The following MSI2 variants were observed in gnomAD, a reference collection of about 807,000 sequenced individuals.
MSI2 encodes the protein RNA-binding protein Musashi homolog 2.
Under a neutral mutation model 45.6 loss-of-function variants are expected in MSI2, and 17 were observed. The observed-to-expected ratio is 0.37, with a 90% CI of 0.26 to 0.56. The LOEUF (loss-of-function observed/expected upper bound fraction) is 0.56. Among genes scored for constraint, MSI2 ranks in the 20% least tolerant of loss-of-function variants. MSI2 has a pLI of 0.77. For missense variants in MSI2, 293 were observed against 444.2 expected (o/e 0.66, Z 3.06); for synonymous variants, 156 against 158.2 (o/e 0.99, Z 0.11).
chr17:57,317,779 A>G (rs1215285946), intron 5 of MSI2, among the ~76,000 whole-genome samples: 3 of 152,210 alleles, frequency 2.0e-5, no homozygotes, highest in Non-Finnish European at 4.4e-5. Flanking sequence ...AGAGCCCAGG[A>G]TAATGTGTAT....
At chr17:57,420,556 G>C (rs2084376190) in intron 6 of MSI2, among the ~76,000 whole-genome samples, 1 of 152,202 alleles carries the variant, frequency 6.6e-6, no homozygotes, top group South Asian at 2.1e-4. Context: ...TCGGCGCAGA[G>C]CTCCGTACTT....
chr17:57,275,696 A>G (rs1908778416), intron 5 of MSI2, among the ~76,000 whole-genome samples: 2 of 152,178 alleles, frequency 1.3e-5, no homozygotes, highest in African/African-American at 4.8e-5. Flanking sequence ...GATCCTGGAC[A>G]GGGGATGGAG....
intron 6 of MSI2, among the ~76,000 whole-genome samples, chr17:57,527,183 T>A (rs1441592052): frequency 6.6e-6 from 1 of 152,206 alleles, no homozygotes; most frequent in African/African-American, 2.4e-5. Context: ...AATAAGGATT[T>A]GGCAAAAGTC....
intron 5 of MSI2, among the ~76,000 whole-genome samples, chr17:57,376,108 A>G (rs2083492173): frequency 6.6e-6 from 1 of 152,176 alleles, no homozygotes; most frequent in African/African-American, 2.4e-5. Flanking sequence ...GCCCTGTTAC[A>G]GGATGTCTGA....
rs904104297 is a variant in MSI2, at chr17:57,683,427, C to G, written c.*3910C>G. ...AACCTATTTTGATCTTTAGTGCAAA[C>G]GAGGGCTAGGGACTTAGCCTCCTCC... On this transcript the variant is annotated 3_prime_UTR_variant, in exon 14 of 14. Coordinates refer to ENST00000284073, the MANE Select transcript of MSI2 (RefSeq NM_138962.4). This position sits in a 1 kb window ranked among gnomAD's most constrained non-coding sequence, Gnocchi z 5.2. The G allele has an allele frequency of 4.4e-6, 1 of 228,722 alleles. No individual in the cohort carries two copies. The highest frequency in any genetic ancestry group is 8.7e-6 in the Non-Finnish European group (1 of 115,426). 14.2% of individuals were successfully genotyped at this position (228,722 alleles called of 1,614,324 possible).
chr17:57,344,985 C>T (rs1376105188), intron 5 of MSI2, among the ~76,000 whole-genome samples: 1 of 152,146 alleles, frequency 6.6e-6, no homozygotes, highest in Non-Finnish European at 1.5e-5. Flanking sequence ...ATCACTTGAA[C>T]CCGGGAGGTG....
At chr17:57,378,625 G>A (rs936112872) in intron 5 of MSI2, among the ~76,000 whole-genome samples, 1 of 152,092 alleles carries the variant, frequency 6.6e-6, no homozygotes, top group Non-Finnish European at 1.5e-5. Context: ...TCAAACTCCT[G>A]GCCTCAAGCC....
chr17:57,536,235 G>T (rs1293739817), intron 7 of MSI2, among the ~76,000 whole-genome samples: 1 of 152,214 alleles, frequency 6.6e-6, no homozygotes, highest in African/African-American at 2.4e-5. Flanking sequence ...CTAACATTCT[G>T]ACTTTATTTA....
At chr17:57,539,966 A>G (rs2087007515) in intron 7 of MSI2, among the ~76,000 whole-genome samples, 1 of 152,178 alleles carries the variant, frequency 6.6e-6, no homozygotes, top group Non-Finnish European at 1.5e-5. Flanking sequence ...ATGGCTTAGG[A>G]GTCAAGGCAA....
At chr17:57,333,389 C>G (rs1217923607) in intron 5 of MSI2, among the ~76,000 whole-genome samples, 1 of 151,854 alleles carries the variant, frequency 6.6e-6, no homozygotes, top group African/African-American at 2.4e-5. Flanking sequence ...GACTTTTTTA[C>G]AGATTAATTC....
At chr17:57,349,686 T>A (rs1311852491) in intron 5 of MSI2, among the ~76,000 whole-genome samples, 3 of 152,246 alleles carry the variant, frequency 2.0e-5, no homozygotes, top group Non-Finnish European at 4.4e-5. Flanking sequence ...TTTATCAGTT[T>A]TATGACAGGA....
At chr17:57,297,330 TTG>T (rs1446713182) in intron 5 of MSI2, among the ~76,000 whole-genome samples, 8 of 152,206 alleles carry the variant, frequency 5.3e-5, no homozygotes, top group African/African-American at 1.9e-4. Flanking sequence ...AGATGATTTT[TTG>T]TGTGTCTTAG....
At chr17:57,493,939 A>T (rs1567857335) in intron 6 of MSI2, among the ~76,000 whole-genome samples, 1 of 152,136 alleles carries the variant, frequency 6.6e-6, no homozygotes, top group Admixed American at 6.5e-5. Flanking sequence ...TGCAGAAGTT[A>T]AGTGGTTTGC....
At chr17:57,257,272 A>T (rs1333333024) in intron 2 of MSI2, 134 bp downstream of exon 2, 4 of 489,484 alleles carry the variant, frequency 8.2e-6, no homozygotes, top group Non-Finnish European at 1.3e-5. Context: ...TATTTTTTTT[A>T]AATAGCAAAT....
intron 6 of MSI2, among the ~76,000 whole-genome samples, chr17:57,481,950 A>G (rs561789538): frequency 6.6e-6 from 1 of 152,372 alleles, no homozygotes; most frequent in African/African-American, 2.4e-5. Flanking sequence ...TTATTCATTT[A>G]ACAGTTCACT....
chr17:57,327,079 G>T (rs1913860698), intron 5 of MSI2, among the ~76,000 whole-genome samples: 1 of 152,170 alleles, frequency 6.6e-6, no homozygotes, highest in Non-Finnish European at 1.5e-5. Context: ...GGAAGTAATA[G>T]CTGTCTTCAT....
At chr17:57,585,861 G>A (rs1476350039) in intron 7 of MSI2, among the ~76,000 whole-genome samples, 1 of 152,248 alleles carries the variant, frequency 6.6e-6, no homozygotes, top group Admixed American at 6.5e-5. Context: ...TGCGGAGGCG[G>A]CACGTCCTCG....
intron 8 of MSI2, among the ~76,000 whole-genome samples, chr17:57,602,341 TTTTG>T (rs2144492479): frequency 6.6e-6 from 1 of 152,212 alleles, no homozygotes; most frequent in South Asian, 2.1e-4. Flanking sequence ...GTTTTTTGTT[TTTTG>T]TTTGTTTTGT....
chr17:57,430,328 T>C (rs2084571216), intron 6 of MSI2, among the ~76,000 whole-genome samples: 1 of 152,270 alleles, frequency 6.6e-6, no homozygotes, highest in African/African-American at 2.4e-5. Flanking sequence ...CATTTTTTTT[T>C]TCCAGCCAAA....
Sources: gnomAD v4.1 joint callset for allele counts (sites outside exome capture counted in the v4.1 genomes callset) on GRCh38, gnomAD v4.1.1 for gene constraint, Gnocchi (gnomAD v3.1) non-coding constraint, MANE v1.5 for transcripts, NCBI Gene and HGNC (gene_info 2026-07-23, HGNC 2026-07-21) for gene names.